Variants in AUTS2 observed in about 807,000 individuals in gnomAD.
The protein encoded by AUTS2 is activator of transcription and developmental regulator AUTS2.
In AUTS2, 17 loss-of-function variants were observed where a neutral mutation model predicts 112.4. The observed-to-expected ratio is 0.15, with a 90% CI of 0.10 to 0.23. AUTS2 has a LOEUF of 0.23. Ranked by LOEUF, AUTS2 falls within the 10% of genes least tolerant of loss-of-function variation. AUTS2 has a pLI of 1.00. For missense variants in AUTS2, 1,510 were observed against 1,701.6 expected, an observed-to-expected ratio of 0.89 and a Z score of 1.98; for synonymous variants, 751 against 702.7, an observed-to-expected ratio of 1.07 and a Z score of -1.09.
intron 5 of AUTS2, among the ~76,000 whole-genome samples, chr7:70,583,172 C>T (rs766908837): frequency 3.3e-5 from 5 of 152,140 alleles, no homozygotes; most frequent in South Asian, 2.1e-4. Flanking sequence ...GAAGCTTAGG[C>T]GGAGGGAAGC....
At chr7:69,762,291 GTCTTTTTTTTTTT>G (rs1788219069) in intron 1 of AUTS2, among the ~76,000 whole-genome samples, 2 of 72,860 alleles carry the variant, frequency 2.7e-5, no homozygotes, top group African/African-American at 5.2e-5. Flanking sequence ...TAGCCAAGTT[GTCTTTTTTTTTTT>G]TTTTTTTTTT....
At chr7:70,491,207 C>G (rs1798214330) in intron 5 of AUTS2, among the ~76,000 whole-genome samples, 1 of 150,064 alleles carries the variant, frequency 6.7e-6, no homozygotes, top group South Asian at 2.1e-4. Flanking sequence ...TCCTTATTCT[C>G]TCATTATCAC....
At chr7:70,003,423 T>C (rs1204141784) in intron 2 of AUTS2, among the ~76,000 whole-genome samples, 2 of 125,838 alleles carry the variant, frequency 1.6e-5, no homozygotes, top group Non-Finnish European at 3.1e-5. Flanking sequence ...GAATATGTTA[T>C]ATATGAATAT....
intron 13 of AUTS2, chr7:70,776,589 A>G (rs541874316): frequency 6.3e-6 from 1 of 158,848 alleles, no homozygotes; most frequent in Non-Finnish European, 1.4e-5. Context: ...TCAAAATGTG[A>G]ATTTCTTTGT....
At chr7:70,410,654 C>T (rs1450859408) in intron 4 of AUTS2, among the ~76,000 whole-genome samples, 2 of 151,642 alleles carry the variant, frequency 1.3e-5, no homozygotes, top group Admixed American at 1.3e-4. Flanking sequence ...AACTCAGGCT[C>T]AAGTGATCCG....
intron 1 of AUTS2, among the ~76,000 whole-genome samples, chr7:69,607,923 A>G (rs1792818646): frequency 6.6e-6 from 1 of 152,008 alleles, no homozygotes; most frequent in Non-Finnish European, 1.5e-5. Flanking sequence ...GTGAAATCTG[A>G]TATTTTCTTT....
At chr7:69,884,769 G>A (rs1387019678) in intron 1 of AUTS2, among the ~76,000 whole-genome samples, 1 of 152,184 alleles carries the variant, frequency 6.6e-6, no homozygotes, top group African/African-American at 2.4e-5. Context: ...AACTGACACT[G>A]CCTTTCATCT....
intron 6 of AUTS2, among the ~76,000 whole-genome samples, chr7:70,734,309 C>T (rs964332219): frequency 4.0e-5 from 6 of 151,750 alleles, no homozygotes; most frequent in Non-Finnish European, 8.8e-5. Context: ...GCATGGTGGC[C>T]GGTGCCTGTA....
chr7:70,352,554 C>A (rs1791816334), intron 4 of AUTS2, among the ~76,000 whole-genome samples: 1 of 151,808 alleles, frequency 6.6e-6, no homozygotes, highest in South Asian at 2.1e-4. Context: ...GTTCCTTGTC[C>A]CCAAGGAGGG....
intron 4 of AUTS2, among the ~76,000 whole-genome samples, chr7:70,143,489 TAACA>T (rs1806968474): frequency 6.6e-6 from 1 of 152,212 alleles, no homozygotes; most frequent in African/African-American, 2.4e-5. Context: ...AAATCACTGT[TAACA>T]AACCTTAATT....
chr7:70,404,605 G>A (rs963001781), intron 4 of AUTS2, among the ~76,000 whole-genome samples: 5 of 152,142 alleles, frequency 3.3e-5, no homozygotes, highest in South Asian at 2.1e-4. Flanking sequence ...TGGACACCTG[G>A]AGTTACTTGG....
chr7:70,330,266 A>T (rs543077879), intron 4 of AUTS2, among the ~76,000 whole-genome samples: 5 of 152,240 alleles, frequency 3.3e-5, no homozygotes, highest in South Asian at 4.2e-4. Flanking sequence ...TAGTTTTTAT[A>T]TTTAGGCTGT....
intron 6 of AUTS2, among the ~76,000 whole-genome samples, chr7:70,752,311 T>C (rs1433892064): frequency 1.3e-5 from 2 of 152,020 alleles, no homozygotes; most frequent in Non-Finnish European, 2.9e-5. Context: ...CCGAAACCAA[T>C]ATTTGGAGTT....
rs79530217 is a variant in AUTS2 at position 70,738,041 on chromosome 7, T to G, written c.743-24829T>G. On this transcript the variant is annotated intron_variant, in intron 6 of 18. Coordinates refer to ENST00000342771, the MANE Select transcript of AUTS2 (RefSeq NM_015570.4). Reference sequence around the variant, plus strand: ...GAAACCAACTTTTTGTCAGATAAAGTCCATAAAGCTGAAAACTGACATGAG... The same window carrying G: ...GAAACCAACTTTTTGTCAGATAAAGGCCATAAAGCTGAAAACTGACATGAG... 4.5e-4 allele frequency among the ~76,000 whole-genome samples: 69 copies of G among 152,244 alleles called. 1 individual carries two copies. In the East Asian group the frequency reaches 0.013, roughly 29 times the overall value.
intron 5 of AUTS2, among the ~76,000 whole-genome samples, chr7:70,475,471 C>T (rs1275461342): frequency 1.3e-5 from 2 of 152,130 alleles, no homozygotes; most frequent in Admixed American, 6.5e-5. Flanking sequence ...CTCCTAGGTC[C>T]ATTTAAAGAC....
At chr7:70,616,399 C>G (rs944668060) in intron 5 of AUTS2, among the ~76,000 whole-genome samples, 1 of 152,222 alleles carries the variant, frequency 6.6e-6, no homozygotes, top group South Asian at 2.1e-4. Flanking sequence ...AAAGACCCCA[C>G]GCTCTTCTCC....
intron 1 of AUTS2, among the ~76,000 whole-genome samples, chr7:69,682,799 CGGCCTGCAGTCCCAAGCTGGTGT>C (rs1187751468): frequency 6.6e-6 from 1 of 152,086 alleles, no homozygotes; most frequent in Non-Finnish European, 1.5e-5. Context: ...CATGGTGGTT[CGGCCTGCAGTCCCAAGCTGGTGT>C]GGCCTGCAGT....
chr7:70,720,033 C>G (rs536943999), intron 6 of AUTS2, among the ~76,000 whole-genome samples: 28 of 152,306 alleles, frequency 1.8e-4, no homozygotes, highest in African/African-American at 5.8e-4. Flanking sequence ...TCACAGATCT[C>G]TAGCCTGACG....
intron 1 of AUTS2, among the ~76,000 whole-genome samples, chr7:69,706,639 C>T (rs750207492): frequency 4.9e-4 from 74 of 152,232 alleles, no homozygotes; most frequent in South Asian, 1.5e-3. Context: ...GTTTTTTCTC[C>T]ACCTTTGTTT....
Sources: allele counts gnomAD v4.1 joint callset (sites outside exome capture counted in the v4.1 genomes callset), GRCh38; gene constraint gnomAD v4.1.1; transcripts MANE v1.5; gene names NCBI Gene and HGNC (gene_info 2026-07-23, HGNC 2026-07-21).